Variants in C7orf78 observed in about 807,000 individuals in gnomAD.
The protein encoded by C7orf78 is putative uncharacterized protein C7orf78.
At chr7:12,484,738 C>T in the C7orf78 span, among the ~76,000 whole-genome samples, 1 of 152,080 alleles carries the variant, frequency 6.6e-6, no homozygotes, top group Non-Finnish European at 1.5e-5. Flanking sequence ...ATAGAAAGCA[C>T]GTTGTACTTT....
At chr7:12,521,332 G>T in the C7orf78 span, among the ~76,000 whole-genome samples, 2 of 151,382 alleles carry the variant, frequency 1.3e-5, no homozygotes, top group Non-Finnish European at 3.0e-5. Context: ...TGGCTTGGTT[G>T]TTTTCTGTAG....
chr7:12,497,088 C>T, the C7orf78 span, among the ~76,000 whole-genome samples: 1 of 152,086 alleles, frequency 6.6e-6, no homozygotes, highest in African/African-American at 2.4e-5. Flanking sequence ...TTTTATATTC[C>T]GTTAGAAAAA....
the C7orf78 span, among the ~76,000 whole-genome samples, chr7:12,516,173 C>T: frequency 1.2e-4 from 19 of 152,204 alleles, no homozygotes; most frequent in South Asian, 4.1e-4. Context: ...CTCTGTACTA[C>T]GTGCAGCCTA....
At chr7:12,487,807 A>G in the C7orf78 span, among the ~76,000 whole-genome samples, 1 of 152,060 alleles carries the variant, frequency 6.6e-6, no homozygotes, top group African/African-American at 2.4e-5. Flanking sequence ...TAGCCTCATC[A>G]CTGGCATGTA....
chr7:12,538,523 T>G, the C7orf78 span: 1 of 152,126 alleles, frequency 6.6e-6, no homozygotes, highest in Non-Finnish European at 1.5e-5. Flanking sequence ...AGTGACTACT[T>G]ATGGAGGACA....
chr7:12,537,677 A>G, the C7orf78 span, among the ~76,000 whole-genome samples: 1 of 152,246 alleles, frequency 6.6e-6, no homozygotes, highest in African/African-American at 2.4e-5. Flanking sequence ...AGATATATAT[A>G]GGAATGCTTA....
the C7orf78 span, among the ~76,000 whole-genome samples, chr7:12,484,821 T>A: frequency 6.6e-6 from 1 of 151,322 alleles, no homozygotes. Flanking sequence ...CTGCTTCTTT[T>A]ATGTTACTTG....
the C7orf78 span, among the ~76,000 whole-genome samples, chr7:12,537,040 AC>A: frequency 6.6e-6 from 1 of 152,146 alleles, no homozygotes; most frequent in Non-Finnish European, 1.5e-5. Context: ...CCTGTCTGTT[AC>A]CCAGTTCCAA....
the C7orf78 span, among the ~76,000 whole-genome samples, chr7:12,486,279 G>C: frequency 2.0e-5 from 3 of 151,994 alleles, no homozygotes. Flanking sequence ...ATGAGTCCTA[G>C]AAGTTATATA....
chr7:12,526,998 T>TAATTGAAATGG, the C7orf78 span, among the ~76,000 whole-genome samples: 6 of 144,958 alleles, frequency 4.1e-5, no homozygotes, highest in African/African-American at 7.8e-5. Context: ...TCTAGCTGTG[T>TAATTGAAATGG]AACTGAAATG....
the C7orf78 span, among the ~76,000 whole-genome samples, chr7:12,505,543 A>G: frequency 6.6e-6 from 1 of 152,148 alleles, no homozygotes; most frequent in East Asian, 1.9e-4. Context: ...GTATAAATAT[A>G]CTATCTTAGG....
chr7:12,507,623 C>G, the C7orf78 span: 8 of 152,628 alleles, frequency 5.2e-5, no homozygotes, highest in African/African-American at 1.9e-4. Context: ...GAGAAAATCC[C>G]TATATCTTTG....
chr7:12,502,991 C>A, the C7orf78 span, among the ~76,000 whole-genome samples: 6,806 of 149,998 alleles, frequency 0.045, 222 homozygotes, highest in Middle Eastern at 0.072. Context: ...CAACAAAAAA[C>A]CAAACACTGC....
chr7:12,534,335 A>T, the C7orf78 span, among the ~76,000 whole-genome samples: 3 of 152,234 alleles, frequency 2.0e-5, no homozygotes, highest in Non-Finnish European at 4.4e-5. Flanking sequence ...TCTATTTCAC[A>T]TCGTGCATAA....
the C7orf78 span, among the ~76,000 whole-genome samples, chr7:12,484,210 A>T: frequency 1.3e-5 from 2 of 152,210 alleles, no homozygotes; most frequent in Admixed American, 6.5e-5. Context: ...CATGATTTTT[A>T]AAATGATTGA....
chr7:12,484,237 T>C, the C7orf78 span, among the ~76,000 whole-genome samples: 1 of 152,210 alleles, frequency 6.6e-6, no homozygotes, highest in Admixed American at 6.5e-5. Context: ...TTAGGTGTGA[T>C]CTGAACCATG....
chr7:12,515,577 G>A, the C7orf78 span, among the ~76,000 whole-genome samples: 1 of 152,248 alleles, frequency 6.6e-6, no homozygotes, highest in South Asian at 2.1e-4. Flanking sequence ...AGGCTGGAAC[G>A]GTTTGGAGGG....
the C7orf78 span, among the ~76,000 whole-genome samples, chr7:12,495,535 T>C: frequency 3.3e-5 from 5 of 152,236 alleles, no homozygotes; most frequent in East Asian, 9.6e-4. Context: ...TGTTGGTTAT[T>C]TCCAGTTTGG....
the C7orf78 span, among the ~76,000 whole-genome samples, chr7:12,498,759 A>C: frequency 9.7e-3 from 1,452 of 149,188 alleles, 23 homozygotes; most frequent in African/African-American, 0.034. Context: ...CCTCGAGAAG[A>C]GCAACTCCAA....
Sources: gnomAD v4.1 joint callset for allele counts (sites outside exome capture counted in the v4.1 genomes callset) on GRCh38, gnomAD v4.1.1 for gene constraint, MANE v1.5 for transcripts, NCBI Gene and HGNC (gene_info 2026-07-23, HGNC 2026-07-21) for gene names.